SUGCT: variants seen among roughly 807,000 people sequenced by gnomAD.
SUGCT encodes the protein succinyl-CoA:glutarate-CoA transferase, also known as succinyl-CoA:glutarate CoA-transferase.
In SUGCT, 41 loss-of-function variants were observed where a neutral mutation model predicts 55.0. The observed-to-expected ratio is 0.74, with a 90% confidence interval of 0.58 to 0.97. The LOEUF is 0.97. Among genes scored for constraint, SUGCT ranks in the 50% least tolerant of loss-of-function variants. The pLI is 0.00. For synonymous variants in SUGCT, 187 were observed against 200.4 expected, an observed-to-expected ratio of 0.93 and a Z score of 0.56; for missense variants, 568 against 547.8, an observed-to-expected ratio of 1.04 and a Z score of -0.37.
intron 9 of SUGCT, among the ~76,000 whole-genome samples, chr7:40,365,995 G>T (rs549881406): frequency 6.6e-6 from 1 of 152,094 alleles, no homozygotes; most frequent in Non-Finnish European, 1.5e-5. Flanking sequence ...GAGGCATCAC[G>T]CTACCTGACT....
chr7:40,405,671 G>A (rs564139818), intron 9 of SUGCT, among the ~76,000 whole-genome samples: 21 of 152,008 alleles, frequency 1.4e-4, no homozygotes, highest in African/African-American at 2.4e-4. Context: ...TTAGCCAGGC[G>A]TGGTGGTAGG....
chr7:40,373,323 A>ATTCTAGAAAATTTAGAATCTATG (rs1784386305), intron 9 of SUGCT, among the ~76,000 whole-genome samples: 1 of 68,340 alleles, frequency 1.5e-5, no homozygotes, highest in Non-Finnish European at 3.0e-5. Flanking sequence ...TAGAATCTAT[A>ATTCTAGAAAATTTAGAATCTATG]GATTCTAGAA....
At chr7:40,555,380 G>T (rs1394316767) in intron 12 of SUGCT, among the ~76,000 whole-genome samples, 1 of 151,820 alleles carries the variant, frequency 6.6e-6, no homozygotes, top group Non-Finnish European at 1.5e-5. Flanking sequence ...CTGCTCTTTG[G>T]ATGACTGTCC....
chr7:40,860,229 T>C (rs1794425169), intron 13 of SUGCT, 87 bp from the exon 14 acceptor site: 2 of 1,524,260 alleles, frequency 1.3e-6, no homozygotes, highest in Non-Finnish European at 1.8e-6. Flanking sequence ...TTTTTGGCAT[T>C]CATGGAAAAC....
At chr7:40,153,785 C>G (rs1307738457) in intron 1 of SUGCT, 1 of 413,976 alleles carries the variant, frequency 2.4e-6, no homozygotes, top group African/African-American at 2.1e-5. Context: ...GGCTAACCAT[C>G]CTTGCCCATA....
At chr7:41,033,223 A>G in the SUGCT span, among the ~76,000 whole-genome samples, 2 of 152,216 alleles carry the variant, frequency 1.3e-5, no homozygotes, top group Non-Finnish European at 2.9e-5. Context: ...CTCAATCTTC[A>G]GAAGTTGCAG....
At chr7:40,513,590 A>G (rs1305764371) in intron 12 of SUGCT, among the ~76,000 whole-genome samples, 1 of 152,150 alleles carries the variant, frequency 6.6e-6, no homozygotes, top group Non-Finnish European at 1.5e-5. Flanking sequence ...ACTCTTGTAC[A>G]GGAGCAAACA....
At chr7:40,623,668 A>G (rs1799379339) in intron 12 of SUGCT, among the ~76,000 whole-genome samples, 1 of 152,124 alleles carries the variant, frequency 6.6e-6, no homozygotes, top group Admixed American at 6.6e-5. Context: ...TAATAATCTT[A>G]AACTTGCCTT....
intron 5 of SUGCT, 84 bp downstream of exon 5, chr7:40,189,678 C>A: frequency 1.6e-6 from 1 of 619,362 alleles, no homozygotes; most frequent in South Asian, 3.2e-5. Flanking sequence ...TTTTAAAACT[C>A]AATTTTATGG....
intron 9 of SUGCT, among the ~76,000 whole-genome samples, chr7:40,400,030 A>G (rs890281010): frequency 6.6e-6 from 1 of 152,160 alleles, no homozygotes; most frequent in Non-Finnish European, 1.5e-5. Context: ...GTCTGGTGAC[A>G]GAGCAAGACT....
At chr7:40,835,062 G>A (rs1307080795) in intron 13 of SUGCT, among the ~76,000 whole-genome samples, 1 of 152,136 alleles carries the variant, frequency 6.6e-6, no homozygotes, top group Non-Finnish European at 1.5e-5. Context: ...TTTCTTTACT[G>A]TCCAATATGA....
chr7:40,303,596 G>A (rs1473223203), intron 8 of SUGCT, among the ~76,000 whole-genome samples: 1 of 151,972 alleles, frequency 6.6e-6, no homozygotes, highest in African/African-American at 2.4e-5. Context: ...GGATCCTCCT[G>A]CCTCAGCCTC....
chr7:40,934,259 C>T, the SUGCT span, among the ~76,000 whole-genome samples: 1 of 152,190 alleles, frequency 6.6e-6, no homozygotes, highest in Non-Finnish European at 1.5e-5. Flanking sequence ...CTGGGTATCA[C>T]CAGCAGAGGC....
intron 9 of SUGCT, among the ~76,000 whole-genome samples, chr7:40,445,945 T>C (rs1354853693): frequency 6.6e-6 from 1 of 152,072 alleles, no homozygotes; most frequent in Non-Finnish European, 1.5e-5. Context: ...GATCATTGAC[T>C]AGTTACCTTT....
chr7:40,325,232 A>ATT lies in SUGCT; in HGVS notation c.816+8385_816+8386dup, dbSNP rs141707172. ...TTTTTTTCTTAAACACATGTTAAGG[A>ATT]TTTTTTTTTAAAAAGTCAAAATATA... is the stretch of plus-strand genomic sequence containing the variant. On this transcript the variant is annotated intron_variant, in intron 9 of 13. Transcript: ENST00000335693. 1.6e-3 allele frequency among the ~76,000 whole-genome samples: 238 copies of ATT among 150,588 alleles called. 3 individuals are homozygous for ATT. Among genetic ancestry groups the ATT allele is most frequent in the African/African-American group, 5.3e-3 (218 of 41,006 alleles).
At chr7:40,772,743 A>T (rs1197807810) in intron 13 of SUGCT, among the ~76,000 whole-genome samples, 1 of 151,842 alleles carries the variant, frequency 6.6e-6, no homozygotes, top group Non-Finnish European at 1.5e-5. Flanking sequence ...GGATCCTCCC[A>T]CCTCAGCCCC....
chr7:41,015,006 A>G, the SUGCT span, among the ~76,000 whole-genome samples: 3 of 152,234 alleles, frequency 2.0e-5, no homozygotes, highest in Non-Finnish European at 4.4e-5. Context: ...TCTTTTTAAA[A>G]CATAAAGAAA....
chr7:40,283,747 A>G (rs1196179000), intron 8 of SUGCT, among the ~76,000 whole-genome samples: 1 of 152,202 alleles, frequency 6.6e-6, no homozygotes, highest in Non-Finnish European at 1.5e-5. Context: ...TATAGCCGTT[A>G]TGGAAAACAG....
At chr7:40,245,298 A>G (rs1215661935) in intron 7 of SUGCT, among the ~76,000 whole-genome samples, 1 of 147,268 alleles carries the variant, frequency 6.8e-6, no homozygotes, top group East Asian at 2.0e-4. Flanking sequence ...ACCTCAAGTG[A>G]TCCGCCTGCT....
Sources: gnomAD v4.1 joint callset for allele counts (sites outside exome capture counted in the v4.1 genomes callset) on GRCh38, gnomAD v4.1.1 for gene constraint, MANE v1.5 for transcripts, NCBI Gene and HGNC (gene_info 2026-07-23, HGNC 2026-07-21) for gene names.